PKP2: variants seen among roughly 807,000 people sequenced by gnomAD.
The protein encoded by PKP2 is plakophilin-2.
In PKP2, 73 loss-of-function variants were observed where a neutral mutation model predicts 83.4. The ratio of observed to expected loss-of-function variants is 0.88; its 90% CI spans 0.72 to 1.06. The LOEUF (loss-of-function observed/expected upper bound fraction) is 1.06, where lower values mean the gene tolerates loss of function less well. PKP2 is among the 50% of genes least tolerant of loss of function. PKP2 has a pLI of 0.00. For missense variants in PKP2, 966 were observed against 1,065.4 expected (o/e 0.91, Z 1.30); for synonymous variants, 409 against 430.4 (o/e 0.95, Z 0.62).
chr12:32,793,492 C>G (rs563219031), intron 11 of PKP2, among the ~76,000 whole-genome samples: 2 of 151,784 alleles, frequency 1.3e-5, no homozygotes, highest in Non-Finnish European at 2.9e-5. Flanking sequence ...CTTGTGGCAG[C>G]CCTTGTTAAA....
chr12:32,793,034 G>C (rs1229028348), intron 11 of PKP2, among the ~76,000 whole-genome samples: 4 of 152,036 alleles, frequency 2.6e-5, no homozygotes, highest in African/African-American at 9.7e-5. Flanking sequence ...GGTAGATCAC[G>C]AGGTCAGACC....
chr12:32,867,338 A>G (rs140284512), intron 4 of PKP2, among the ~76,000 whole-genome samples: 122 of 152,286 alleles, frequency 8.0e-4, no homozygotes, highest in African/African-American at 2.9e-3. Context: ...AAAACATAGA[A>G]AGAAAGCAGA....
At chr12:32,875,769 T>A (rs1265832831) in intron 3 of PKP2, among the ~76,000 whole-genome samples, 1 of 152,148 alleles carries the variant, frequency 6.6e-6, no homozygotes, top group Non-Finnish European at 1.5e-5. Context: ...ACTTCCAGGT[T>A]TGAAAATAGT....
intron 4 of PKP2, among the ~76,000 whole-genome samples, chr12:32,868,058 C>T (rs1347601338): frequency 6.6e-6 from 1 of 152,138 alleles, no homozygotes; most frequent in African/African-American, 2.4e-5. Context: ...AAAACCCTTG[C>T]CTCTGGGGAT....
chr12:32,792,911 T>C, intron 11 of PKP2, 180 bp from the exon 12 acceptor site: 1 of 642,932 alleles, frequency 1.6e-6, no homozygotes, highest in Non-Finnish European at 2.8e-6. Context: ...GGGGACCATA[T>C]CTGTTTTTGT....
chr12:32,858,144 A>G (rs1459811824), intron 4 of PKP2, among the ~76,000 whole-genome samples: 20 of 107,888 alleles, frequency 1.9e-4, no homozygotes, highest in African/African-American at 3.0e-4. Context: ...TTATATATAT[A>G]TATATATAAA....
intron 1 of PKP2, among the ~76,000 whole-genome samples, chr12:32,895,245 C>T (rs184320985): frequency 7.9e-5 from 12 of 152,260 alleles, no homozygotes; most frequent in Non-Finnish European, 2.9e-5. Context: ...CAATTCTTGG[C>T]ACATAGTATG....
intron 10 of PKP2, 95 bp downstream of exon 10, chr12:32,802,308 T>C (rs1268599671): frequency 2.4e-6 from 3 of 1,262,462 alleles, no homozygotes; most frequent in Non-Finnish European, 2.3e-6. Context: ...CCATTTCCAG[T>C]GCATCTTTGT....
intron 6 of PKP2, among the ~76,000 whole-genome samples, chr12:32,831,164 T>C (rs543047070): frequency 5.5e-4 from 83 of 152,292 alleles, no homozygotes; most frequent in Middle Eastern, 3.4e-3. Context: ...AAGGAGATGT[T>C]TGGAATGTCA....
rs1256052868 is a variant in PKP2 at position 32,821,514 on chromosome 12, G to A, written c.1855C>T (p.Pro619Ser). 1 of 1,613,964 alleles carries A rather than the reference G, an allele frequency of 6.2e-7. No homozygotes were observed. Among genetic ancestry groups the A allele is most frequent in the Admixed American group, 1.7e-5 (1 of 60,004 alleles). Residue 619 changes from proline (P) to serine (S), a missense_variant, in exon 9 of 13, where the codon CCG (proline) becomes TCG (serine). Coordinates refer to ENST00000340811, the MANE Select transcript of PKP2 (RefSeq NM_001005242.3). The part of the protein sequence containing the change: ...RKVKEQYQDV[P>S]MPEEKSNPKG... Reference sequence around the variant, plus strand: ...GGGTTGCTCTTTTCCTCCGGCATCGGCACGTCCTGGTATTGCTGACCACAC... The same window carrying A: ...GGGTTGCTCTTTTCCTCCGGCATCGACACGTCCTGGTATTGCTGACCACAC...
intron 4 of PKP2, among the ~76,000 whole-genome samples, chr12:32,864,390 C>T (rs1415927421): frequency 1.3e-5 from 2 of 149,694 alleles, no homozygotes; most frequent in Non-Finnish European, 3.0e-5. Flanking sequence ...TATATACTAG[C>T]AATGAACAAC....
intron 7 of PKP2, among the ~76,000 whole-genome samples, chr12:32,823,147 G>T (rs1306468440): frequency 6.6e-6 from 1 of 152,180 alleles, no homozygotes; most frequent in Non-Finnish European, 1.5e-5. Flanking sequence ...AGGTGCTGTG[G>T]CTCACGCCTG....
intron 8 of PKP2, 112 bp from the exon 9 acceptor site, chr12:32,821,641 A>C: frequency 9.8e-7 from 1 of 1,022,310 alleles, no homozygotes; most frequent in Non-Finnish European, 1.5e-6. Context: ...TAATTTGCAT[A>C]AGAAGCCCTT....
chr12:32,889,846 C>T (rs559062049), intron 1 of PKP2, among the ~76,000 whole-genome samples: 12 of 151,864 alleles, frequency 7.9e-5, no homozygotes, highest in East Asian at 3.9e-4. Flanking sequence ...TTTGGGAGGC[C>T]GAGGCGGGTG....
intron 4 of PKP2, among the ~76,000 whole-genome samples, chr12:32,851,941 C>T (rs1321308750): frequency 6.6e-6 from 1 of 152,120 alleles, no homozygotes; most frequent in East Asian, 1.9e-4. Flanking sequence ...AAGGGCACAA[C>T]CAGGAATGGG....
intron 1 of PKP2, among the ~76,000 whole-genome samples, chr12:32,895,071 T>G (rs1466550882): frequency 6.6e-6 from 1 of 152,200 alleles, no homozygotes; most frequent in South Asian, 2.1e-4. Flanking sequence ...AATTCAGGTT[T>G]GGGAGTTTAA....
At chr12:32,846,242 T>C (rs928119151) in intron 5 of PKP2, among the ~76,000 whole-genome samples, 30 of 152,268 alleles carry the variant, frequency 2.0e-4, no homozygotes, top group South Asian at 1.0e-3. Flanking sequence ...ACCTTGAAGA[T>C]GAACTTCTGA....
chr12:32,853,919 A>G (rs1956723111), intron 4 of PKP2, among the ~76,000 whole-genome samples: 1 of 152,198 alleles, frequency 6.6e-6, no homozygotes, highest in South Asian at 2.1e-4. Flanking sequence ...TTATTCTGCT[A>G]CTGTGGCACA....
At chr12:32,800,624 T>C (rs886261309) in intron 10 of PKP2, among the ~76,000 whole-genome samples, 1 of 152,210 alleles carries the variant, frequency 6.6e-6, no homozygotes, top group Non-Finnish European at 1.5e-5. Context: ...GGGATAATAA[T>C]GTCTACGTCA....
Sources: gnomAD v4.1 joint callset for allele counts (sites outside exome capture counted in the v4.1 genomes callset) on GRCh38, gnomAD v4.1.1 for gene constraint, MANE v1.5 for transcripts, NCBI Gene and HGNC (gene_info 2026-07-23, HGNC 2026-07-21) for gene names.